Variants in QSER1 observed in about 807,000 individuals in gnomAD.
The protein encoded by QSER1 is glutamine and serine rich 1.
In QSER1, 49 loss-of-function variants were observed where a neutral mutation model predicts 158.5. The ratio of observed to expected loss-of-function variants is 0.31; its 90% CI spans 0.25 to 0.39. The LOEUF is 0.39. QSER1 is among the 10% of genes least tolerant of loss of function. The pLI is 1.00. For synonymous variants in QSER1, 650 were observed against 715.5 expected, an observed-to-expected ratio of 0.91 and a Z score of 1.46; for missense variants, 1,754 against 2,010.3, an observed-to-expected ratio of 0.87 and a Z score of 2.44.
At chr11:32,912,313 T>C (rs1050633126) in intron 1 of QSER1, among the ~76,000 whole-genome samples, 24 of 152,184 alleles carry the variant, frequency 1.6e-4, no homozygotes, top group African/African-American at 5.3e-4. Context: ...CCGCAAGTCT[T>C]CTCAATTGTA....
In QSER1 at chr11:32,950,516, T is replaced by C. The variant is rs112753725; in HGVS notation, c.4178-3341T>C. Reference sequence around the variant, plus strand: ...TATTTGTTCCTTAGCCCAAAGTTCCTCTATCAGCTGTGGTATTTGAAGTAT... The same window carrying C: ...TATTTGTTCCTTAGCCCAAAGTTCCCCTATCAGCTGTGGTATTTGAAGTAT... On this transcript the variant is annotated intron_variant, in intron 4 of 12. Transcript: ENST00000650167. Among the ~76,000 whole-genome samples the C allele has an allele frequency of 4.2e-3, 633 of 152,342 alleles. 3 individuals are homozygous for C. Among genetic ancestry groups the C allele is most frequent in the African/African-American group, 0.014 (578 of 41,568 alleles).
chr11:32,898,157 A>C (rs1851578970), intron 1 of QSER1, among the ~76,000 whole-genome samples: 1 of 152,052 alleles, frequency 6.6e-6, no homozygotes, highest in Non-Finnish European at 1.5e-5. Context: ...TTCCATGGCT[A>C]CTCCTACATA....
chr11:32,918,636 A>G (rs1372252497), intron 1 of QSER1, among the ~76,000 whole-genome samples: 1 of 151,428 alleles, frequency 6.6e-6, no homozygotes, highest in African/African-American at 2.4e-5. Flanking sequence ...GTTTTTCATG[A>G]TTTGATTTTA....
At chr11:32,943,615 A>G (rs370487012) in intron 4 of QSER1, among the ~76,000 whole-genome samples, 2 of 150,864 alleles carry the variant, frequency 1.3e-5, no homozygotes, top group Non-Finnish European at 3.0e-5. Context: ...GCTTTTTGAT[A>G]TGCTGCTGGA....
At position 32,979,447 on chromosome 11, in the gene QSER1, A is replaced by C; in HGVS notation, c.*2973A>C. ...CCCCTTGTCATTTTCATTATAACCCAATTTCCACTTATTTGAACTCTTAAG... is the reference window on the plus strand; with the variant it reads ...CCCCTTGTCATTTTCATTATAACCCCATTTCCACTTATTTGAACTCTTAAG... On this transcript the variant is annotated 3_prime_UTR_variant, in exon 13 of 13. Transcript: ENST00000650167. 1 of 152,202 alleles carries C rather than the reference A, an allele frequency of 6.6e-6. No homozygotes were observed. The highest frequency in any genetic ancestry group is 1.9e-4 in the East Asian group (1 of 5,200). The allele number at this position is 152,202 out of a possible 1,614,324, so 9.4% of individuals were successfully genotyped here.
At chr11:32,900,076 A>C (rs77213247) in intron 1 of QSER1, among the ~76,000 whole-genome samples, 3,757 of 152,140 alleles carry the variant, frequency 0.025, 141 homozygotes, top group African/African-American at 0.084. Context: ...CCCTCAGCAA[A>C]TCCTGTTGGT....
intron 8 of QSER1, 88 bp downstream of exon 8, chr11:32,958,174 T>C: frequency 9.3e-7 from 1 of 1,071,012 alleles, no homozygotes; most frequent in Non-Finnish European, 1.4e-6. Flanking sequence ...TCAAAATGTA[T>C]TTACTTTTCA....
Position 32,933,551 on chromosome 11 carries a change from G to T in QSER1, c.2293G>T (p.Val765Phe). ...LQASKKEESV[V>F]GSVTQLNQQI... Reference sequence around the variant, plus strand: ...AGCATCAAAAAAAGAAGAAAGTGTTGTTGGTTCAGTGACACAACTTAACCA... The same window carrying T: ...AGCATCAAAAAAAGAAGAAAGTGTTTTTGGTTCAGTGACACAACTTAACCA... Residue 765 changes from valine to phenylalanine, a missense_variant, in exon 4 of 13, where the codon GTT becomes TTT. Coordinates refer to ENST00000650167, the MANE Select transcript of QSER1 (RefSeq NM_001076786.3). 1 of 1,613,780 alleles carries T rather than the reference G, an allele frequency of 6.2e-7. No individual in the cohort carries two copies. The highest frequency in any genetic ancestry group is 8.5e-7 in the Non-Finnish European group (1 of 1,179,882).
chr11:32,937,276 CT>C (rs1564936806), intron 4 of QSER1, among the ~76,000 whole-genome samples: 1 of 151,854 alleles, frequency 6.6e-6, no homozygotes, highest in Non-Finnish European at 1.5e-5. Context: ...ACAGACTTTT[CT>C]TTTTTTTCTT....
At chr11:32,944,577 T>G (rs2133567715) in intron 4 of QSER1, among the ~76,000 whole-genome samples, 1 of 151,872 alleles carries the variant, frequency 6.6e-6, no homozygotes, top group Admixed American at 6.6e-5. Context: ...GAGTTCTAGT[T>G]TGATTGCACT....
Position 32,934,327 on chromosome 11 carries a change from A to G in QSER1, c.3069A>G (p.Leu1023=), listed in dbSNP as rs754573227. Residue 1023 remains leucine, a synonymous_variant, in exon 4 of 13, where the codon TTA becomes TTG. Transcript: ENST00000650167. ...GDSKSHFQQS[L]DVRHVTSDFN... The stretch of plus-strand genomic sequence containing the variant: ...CTAAATCTCATTTTCAGCAGTCATT[A>G]GATGTCAGGCATGTGACTTCAGATT... The G allele has an allele frequency of 1.9e-6, 3 of 1,614,020 alleles. No homozygotes were observed. Among genetic ancestry groups the G allele is most frequent in the Non-Finnish European group, 1.7e-6 (2 of 1,179,982 alleles).
At chr11:32,913,400 A>G (rs1471024004) in intron 1 of QSER1, among the ~76,000 whole-genome samples, 2 of 151,794 alleles carry the variant, frequency 1.3e-5, no homozygotes, top group Non-Finnish European at 2.9e-5. Context: ...TCATCGTGTT[A>G]GCCAGGATGG....
intron 10 of QSER1, among the ~76,000 whole-genome samples, chr11:32,970,371 A>C (rs1693292763): frequency 6.6e-6 from 1 of 152,128 alleles, no homozygotes; most frequent in Admixed American, 6.5e-5. Context: ...CAGTACTAAG[A>C]ATTTGGTCTC....
chr11:32,950,837 A>C (rs1470649910), intron 4 of QSER1, among the ~76,000 whole-genome samples: 1 of 152,242 alleles, frequency 6.6e-6, no homozygotes, highest in Non-Finnish European at 1.5e-5. Context: ...TCTATGCTGT[A>C]GCATGTATCA....
At chr11:32,949,950 C>T (rs1433111183) in intron 4 of QSER1, among the ~76,000 whole-genome samples, 1 of 152,122 alleles carries the variant, frequency 6.6e-6, no homozygotes, top group Admixed American at 6.5e-5. Context: ...TGCCTCAGGC[C>T]CTGCTTTGGT....
chr11:32,966,259 C>G, intron 8 of QSER1, 41 bp from the exon 9 acceptor site: 1 of 1,589,558 alleles, frequency 6.3e-7, no homozygotes, highest in Non-Finnish European at 8.5e-7. Flanking sequence ...TTAAAATTGT[C>G]AGGAAGGAAA....
chr11:32,957,115 CT>C (rs772652552), intron 7 of QSER1, among the ~76,000 whole-genome samples: 3 of 139,580 alleles, frequency 2.1e-5, no homozygotes, highest in Non-Finnish European at 3.2e-5. Flanking sequence ...TTGGGTTTTT[CT>C]TTTTTTTCTT....
At chr11:32,914,725 G>A (rs1350853145) in intron 1 of QSER1, among the ~76,000 whole-genome samples, 1 of 152,144 alleles carries the variant, frequency 6.6e-6, no homozygotes, top group African/African-American at 2.4e-5. Context: ...ATATTTAAAA[G>A]CATTTTATCT....
At chr11:32,964,665 A>G (rs906094304) in intron 8 of QSER1, among the ~76,000 whole-genome samples, 3 of 142,932 alleles carry the variant, frequency 2.1e-5, no homozygotes, top group African/African-American at 7.8e-5. Flanking sequence ...AGAGTTCAAG[A>G]CCAGCCTGGG....
Sources: allele counts gnomAD v4.1 joint callset (sites outside exome capture counted in the v4.1 genomes callset), GRCh38; gene constraint gnomAD v4.1.1; transcripts MANE v1.5; gene names NCBI Gene and HGNC (gene_info 2026-07-23, HGNC 2026-07-21).